The following GANC variants were observed in gnomAD, a reference collection of about 807,000 sequenced individuals.
The protein encoded by GANC is neutral alpha-glucosidase C.
Under a neutral mutation model 124.2 loss-of-function variants are expected in GANC, and 117 were observed. The observed-to-expected ratio is 0.94, with a 90% confidence interval of 0.81 to 1.10. GANC has a LOEUF of 1.10. GANC is among the 50% of genes least tolerant of loss of function. The probability of loss-of-function intolerance (pLI) is 0.00; values close to 1 mark genes in which losing one functional copy is unlikely to be tolerated. For synonymous variants in GANC, 377 were observed against 376.8 expected (o/e 1.00, Z -0.01); for missense variants, 1,140 against 1,095.0 (o/e 1.04, Z -0.58).
chr15:42,273,562 C>A lies in GANC; in HGVS notation c.-920C>A. 4.0e-6 allele frequency: 5 copies of A among 1,254,102 alleles called. No individual in the cohort carries two copies. Among genetic ancestry groups the A allele is most frequent in the Non-Finnish European group, 5.4e-6 (5 of 925,844 alleles). 77.7% of individuals were successfully genotyped at this position (1,254,102 alleles called of 1,614,324 possible). ...CCCCTCTCTCAGACAGTCGTCTGTG[C>A]GCCGTGAGACTTTGGACCTACTGCG... On this transcript the variant is annotated 5_prime_UTR_variant, in exon 1 of 24. Transcript: ENST00000318010.
chr15:42,346,340 G>A (rs1355563327), intron 20 of GANC, among the ~76,000 whole-genome samples: 1 of 152,160 alleles, frequency 6.6e-6, no homozygotes, highest in African/African-American at 2.4e-5. Flanking sequence ...GGGGTGCCTA[G>A]TGCTGGGGCA....
chr15:42,334,763 A>T (rs1183428281), intron 15 of GANC, among the ~76,000 whole-genome samples: 6 of 151,704 alleles, frequency 4.0e-5, no homozygotes, highest in African/African-American at 1.5e-4. Flanking sequence ...TCTGAAAAAA[A>T]AATAATAATA....
At chr15:42,304,071 C>T (rs1464742030) in intron 6 of GANC, among the ~76,000 whole-genome samples, 2 of 152,148 alleles carry the variant, frequency 1.3e-5, no homozygotes, top group South Asian at 2.1e-4. Flanking sequence ...AGCACCGCAT[C>T]GCACTTACTC....
chr15:42,336,651 A>T (rs2052285613), intron 15 of GANC, among the ~76,000 whole-genome samples: 1 of 152,228 alleles, frequency 6.6e-6, no homozygotes, highest in Admixed American at 6.5e-5. Flanking sequence ...ATTAAACTAA[A>T]CAGCTTCTGC....
rs187864697 is a variant in GANC, at chr15:42,309,649, A to C, written c.723-634A>C. 2.2e-3 allele frequency among the ~76,000 whole-genome samples: 330 copies of C among 152,128 alleles called. 1 individual carries two copies. The highest frequency in any genetic ancestry group is 7.7e-3 in the African/African-American group (319 of 41,534). On this transcript the variant is annotated intron_variant, in intron 8 of 23. Transcript: ENST00000318010. ...ACAATTCTTTTAACCGCAGAGAAGT[A>C]CTCACAAAATTCATCAGTGGGTACT...
In GANC at chr15:42,273,655, G is replaced by C. The variant is rs1288554794; in HGVS notation, c.-827G>C. The C allele has an allele frequency of 9.7e-6, 5 of 515,178 alleles. No individual in the cohort carries two copies. The highest frequency in any genetic ancestry group is 1.9e-5 in the African/African-American group (1 of 52,436). 31.9% of individuals were successfully genotyped at this position (515,178 alleles called of 1,614,324 possible). On this transcript the variant is annotated 5_prime_UTR_variant, in exon 1 of 24. Coordinates refer to ENST00000318010, the MANE Select transcript of GANC (RefSeq NM_198141.3). ...ATCGCTACATGCCAGCCTGGCCTGA[G>C]TCTTTTCTGTCTCCCAGCCGTTAAA... is the stretch of plus-strand genomic sequence containing the variant.
chr15:42,282,906 T>G (rs2141018038), intron 3 of GANC, among the ~76,000 whole-genome samples: 1 of 152,350 alleles, frequency 6.6e-6, no homozygotes, highest in African/African-American at 2.4e-5. Flanking sequence ...GCCTTCTTCT[T>G]GTGCCCTCGC....
At chr15:42,292,031 G>A (rs2051845862) in intron 4 of GANC, among the ~76,000 whole-genome samples, 1 of 152,150 alleles carries the variant, frequency 6.6e-6, no homozygotes, top group African/African-American at 2.4e-5. Context: ...ATTTACTGGG[G>A]ACACTGTGCA....
Position 42,278,530 on chromosome 15 carries a change from G to T in GANC, c.141G>T (p.Leu47Phe). ...AGAAGTCCACCTATCAGGCATTATT[G>T]GATTCAGTCACAACAGATGAAGACA... ...LSKKSTYQAL[L>F]DSVTTDEDST... The change falls in exon 3 of 24, where the codon TTG (leucine) becomes TTT (phenylalanine). Residue 47 changes from leucine to phenylalanine, a missense_variant. Transcript: ENST00000318010. The T allele has an allele frequency of 6.2e-7, 1 of 1,612,952 alleles. No homozygotes were observed. Among genetic ancestry groups the T allele is most frequent in the South Asian group, 1.1e-5 (1 of 90,900 alleles).
Position 42,347,912 on chromosome 15 carries a change from C to CT in GANC, c.2305-189dup, listed in dbSNP as rs1258680750. The stretch of plus-strand genomic sequence containing the variant: ...CCTAATAATTAAAAAGTGGACCATT[C>CT]TTCAGCGTTAGAGCTCTTTTCCTTT... On this transcript the variant is annotated intron_variant, in intron 20 of 23. Coordinates refer to ENST00000318010, the MANE Select transcript of GANC (RefSeq NM_198141.3). Among the ~76,000 whole-genome samples the CT allele has an allele frequency of 1.8e-4, 28 of 152,286 alleles. 1 individual carries two copies. Among genetic ancestry groups the CT allele is most frequent in the Admixed American group, 1.8e-3 (27 of 15,292 alleles).
chr15:42,345,240 G>A (rs1017998933), intron 19 of GANC, among the ~76,000 whole-genome samples: 5 of 149,394 alleles, frequency 3.3e-5, no homozygotes, highest in Admixed American at 6.7e-5. Context: ...TACTATAATA[G>A]TAATTCAAGT....
At position 42,274,411 on chromosome 15, in the gene GANC, C is replaced by T. The variant is rs1310023625; in HGVS notation, c.-71C>T. 3 of 1,520,300 alleles carry T rather than the reference C, an allele frequency of 2.0e-6. No individual in the cohort carries two copies. The highest frequency in any genetic ancestry group is 1.8e-6 in the Non-Finnish European group (2 of 1,113,184). The allele number at this position is 1,520,300 out of a possible 1,614,324, so 94.2% of individuals were successfully genotyped here. On this transcript the variant is annotated 5_prime_UTR_variant, in exon 1 of 24. Coordinates refer to ENST00000318010, the MANE Select transcript of GANC (RefSeq NM_198141.3). ...TTGTAATTTTAGAAAGACACCCAAT[C>T]GGCTTTTTTAAAAGATCGCCCAGGG...
intron 10 of GANC, among the ~76,000 whole-genome samples, chr15:42,317,349 C>T (rs1356868718): frequency 6.6e-6 from 1 of 152,100 alleles, no homozygotes; most frequent in African/African-American, 2.4e-5. Context: ...TATGAAGTAG[C>T]TATGATATGC....
intron 1 of GANC, among the ~76,000 whole-genome samples, chr15:42,275,890 C>T (rs2051666691): frequency 6.6e-6 from 1 of 152,208 alleles, no homozygotes; most frequent in Admixed American, 6.5e-5. Context: ...ATATCTTCCT[C>T]AGAGCCCAGC....
rs76522222 is a variant in GANC at position 42,310,249 on chromosome 15, G to T, written c.723-34G>T. The stretch of plus-strand genomic sequence containing the variant: ...ATTTATTAATATTAATAATATATTT[G>T]TGATGGTAATTGATGATAATCTTTG... On this transcript the variant is annotated intron_variant, in intron 8 of 23. Coordinates refer to ENST00000318010, the MANE Select transcript of GANC (RefSeq NM_198141.3). The T allele has an allele frequency of 4.1e-6, 6 of 1,462,332 alleles. No homozygotes were observed. In the East Asian group the frequency reaches 9.1e-5, roughly 22 times the overall value. 90.6% of individuals were successfully genotyped at this position (1,462,332 alleles called of 1,614,324 possible).
chr15:42,305,806 A>T (rs2051989474), intron 6 of GANC, among the ~76,000 whole-genome samples: 2 of 152,186 alleles, frequency 1.3e-5, no homozygotes, highest in African/African-American at 4.8e-5. Flanking sequence ...ACATGGATGA[A>T]GCTAGAAACC....
intron 9 of GANC, 65 bp from the exon 10 acceptor site, chr15:42,310,628 A>G: frequency 1.3e-6 from 2 of 1,569,878 alleles, no homozygotes; most frequent in Non-Finnish European, 1.7e-6. Flanking sequence ...ACTGTTACTT[A>G]TATGTGGCTG....
intron 5 of GANC, among the ~76,000 whole-genome samples, chr15:42,294,315 T>G (rs2051870609): frequency 6.6e-6 from 1 of 151,366 alleles, no homozygotes; most frequent in South Asian, 2.1e-4. Flanking sequence ...GGCTCATGCC[T>G]GTAACCCCAG....
intron 22 of GANC, 67 bp from the exon 23 acceptor site, chr15:42,351,262 A>T (rs912552899): frequency 6.7e-6 from 7 of 1,037,120 alleles, no homozygotes; most frequent in Middle Eastern, 2.2e-4. Flanking sequence ...AAGGCTGGAG[A>T]TGTTGAGCTG....
Sources: gnomAD v4.1 joint callset for allele counts (sites outside exome capture counted in the v4.1 genomes callset) on GRCh38, gnomAD v4.1.1 for gene constraint, MANE v1.5 for transcripts, NCBI Gene and HGNC (gene_info 2026-07-23, HGNC 2026-07-21) for gene names.